PRIM2: variants seen among roughly 807,000 people sequenced by gnomAD.
PRIM2 encodes DNA primase subunit 2.
A neutral mutation model predicts 67.3 loss-of-function variants in PRIM2; 39 were observed. The ratio of observed to expected loss-of-function variants is 0.58; its 90% CI spans 0.45 to 0.76. PRIM2 has a LOEUF of 0.76. Ranked by LOEUF, PRIM2 falls within the 30% of genes least tolerant of loss-of-function variation. The pLI, the probability that PRIM2 is intolerant of heterozygous loss-of-function variation, is 0.00. For missense variants in PRIM2, 398 were observed against 598.7 expected (o/e 0.66, Z 3.50); for synonymous variants, 143 against 198.7 (o/e 0.72, Z 2.36).
chr6:57,313,865 C>T (rs1767431442), upstream of PRIM2, among the ~76,000 whole-genome samples: 1 of 152,226 alleles, frequency 6.6e-6, no homozygotes, highest in African/African-American at 2.4e-5. Flanking sequence ...ATTTACCAAG[C>T]ATGGCAACTA....
chr6:57,449,424 C>CA (rs1772466495), intron 7 of PRIM2, among the ~76,000 whole-genome samples: 1 of 152,090 alleles, frequency 6.6e-6, no homozygotes, highest in South Asian at 2.1e-4. Flanking sequence ...AATAAAATGG[C>CA]AAAATGTGTC....
the PRIM2 span, among the ~76,000 whole-genome samples, chr6:57,241,787 C>G: frequency 6.7e-6 from 1 of 149,976 alleles, no homozygotes; most frequent in Non-Finnish European, 1.5e-5. Context: ...ATTCTCCTGC[C>G]TCAACCTCCC....
chr6:57,232,858 A>G, the PRIM2 span, among the ~76,000 whole-genome samples: 2 of 152,228 alleles, frequency 1.3e-5, no homozygotes, highest in African/African-American at 4.8e-5. Flanking sequence ...AGTTAAAACA[A>G]ATGGAATTGG....
the PRIM2 span, among the ~76,000 whole-genome samples, chr6:57,261,233 A>G: frequency 1.3e-5 from 2 of 152,200 alleles, no homozygotes; most frequent in East Asian, 3.8e-4. Flanking sequence ...CATCCTTGAG[A>G]TTATCAAGAG....
intron 12 of PRIM2, among the ~76,000 whole-genome samples, chr6:57,613,759 G>A (rs1776705404): frequency 6.6e-6 from 1 of 152,178 alleles, no homozygotes; most frequent in African/African-American, 2.4e-5. Context: ...GCAGTGGCTT[G>A]TGTTGGAGGA....
At chr6:57,276,347 T>C in the PRIM2 span, among the ~76,000 whole-genome samples, 2 of 152,046 alleles carry the variant, frequency 1.3e-5, no homozygotes, top group African/African-American at 2.4e-5. Flanking sequence ...GCTGAGATCA[T>C]GCCACTGTAC....
intron 10 of PRIM2, among the ~76,000 whole-genome samples, chr6:57,571,221 T>G (rs1385732073): frequency 6.6e-6 from 1 of 152,214 alleles, no homozygotes; most frequent in Admixed American, 6.5e-5. Context: ...AGCTTTAAGA[T>G]GGCAAATTAG....
In PRIM2 at chr6:57,329,018, A is replaced by G. The variant is rs528927216; in HGVS notation, c.459+2973A>G. On this transcript the variant is annotated intron_variant, in intron 5 of 13. Coordinates refer to ENST00000615550, the MANE Select transcript of PRIM2 (RefSeq NM_000947.5). ...TGAATTGTTTGGCTTTTTATTGTTG[A>G]GTGTTCTTTACATATTCTGGATACA... 2.3e-3 allele frequency among the ~76,000 whole-genome samples: 343 copies of G among 152,048 alleles called. 1 individual carries two copies. The highest frequency in any genetic ancestry group is 7.8e-3 in the African/African-American group (322 of 41,490).
chr6:57,564,453 T>A (rs1417115526), intron 10 of PRIM2, among the ~76,000 whole-genome samples: 1 of 152,248 alleles, frequency 6.6e-6, no homozygotes, highest in Middle Eastern at 3.2e-3. Context: ...TCCCTTTGGC[T>A]ATTTTTATTA....
rs1379463563 is a variant in PRIM2 at position 57,376,967 on chromosome 6, T to A, written c.460-2934T>A. ...ATCTGGCTCACCGCAACCTCCACCT[T>A]CCAGGTTCAAGCAATTCTTCTTCCC... is the stretch of plus-strand genomic sequence containing the variant. On this transcript the variant is annotated intron_variant, in intron 5 of 13. Transcript: ENST00000615550. 2.6e-5 allele frequency among the ~76,000 whole-genome samples: 4 copies of A among 152,202 alleles called. No individual in the cohort carries two copies. In the East Asian group the frequency reaches 7.7e-4, roughly 29 times the overall value.
Position 57,325,305 on chromosome 6 carries a change from C to CTT in PRIM2, c.339-609_339-608dup, listed in dbSNP as rs11398927. On this transcript the variant is annotated intron_variant, in intron 4 of 13. Transcript: ENST00000615550. ...TTTTTTTTCTCTTTTCTCTCTCTCT[C>CTT]TTTTTTTTTTTTGAGCTAGGGTCTC... Among the ~76,000 whole-genome samples, 127 of 141,924 alleles carry CTT rather than the reference C, an allele frequency of 8.9e-4. 1 individual carries two copies. Among genetic ancestry groups the CTT allele is most frequent in the African/African-American group, 1.0e-3 (38 of 38,154 alleles). The allele number at this position is 141,924 out of a possible 152,430, so 93.1% of individuals were successfully genotyped here. A position where few individuals can be genotyped will look rare whatever the true frequency, so the allele number is the denominator to read the frequency against.
intron 5 of PRIM2, among the ~76,000 whole-genome samples, chr6:57,367,510 A>G (rs1225267411): frequency 1.3e-5 from 2 of 152,248 alleles, no homozygotes; most frequent in Non-Finnish European, 2.9e-5. Context: ...CTAACATTAA[A>G]ACTTAAAATC....
At chr6:57,619,983 T>A (rs1776822450) in intron 12 of PRIM2, among the ~76,000 whole-genome samples, 1 of 152,006 alleles carries the variant, frequency 6.6e-6, no homozygotes, top group Non-Finnish European at 1.5e-5. Flanking sequence ...GATCATGAGG[T>A]CAGGAGATCG....
intron 12 of PRIM2, among the ~76,000 whole-genome samples, chr6:57,625,143 C>T (rs1380496948): frequency 6.6e-6 from 1 of 151,942 alleles, no homozygotes; most frequent in East Asian, 1.9e-4. Flanking sequence ...GAGGATAGAG[C>T]CAAACCATAT....
chr6:57,300,050 G>A, the PRIM2 span, among the ~76,000 whole-genome samples: 18,392 of 152,158 alleles, frequency 0.12, 1,250 homozygotes, highest in African/African-American at 0.17. Flanking sequence ...ACTTTTCATC[G>A]CTGTGTTTAC....
chr6:57,317,267 C>T (rs1767508323), upstream of PRIM2, among the ~76,000 whole-genome samples: 1 of 152,126 alleles, frequency 6.6e-6, no homozygotes, highest in African/African-American at 2.4e-5. Context: ...AGTGCCAGCC[C>T]TGAGGGTTAA....
At chr6:57,286,706 T>G in the PRIM2 span, among the ~76,000 whole-genome samples, 1 of 152,090 alleles carries the variant, frequency 6.6e-6, no homozygotes, top group Non-Finnish European at 1.5e-5. Context: ...GGGTAAAGAC[T>G]TCATGACTAA....
chr6:57,257,391 G>T, the PRIM2 span, among the ~76,000 whole-genome samples: 1 of 151,672 alleles, frequency 6.6e-6, no homozygotes, highest in South Asian at 2.1e-4. Flanking sequence ...CCTGCCTCAG[G>T]CTCCTGAATA....
At chr6:57,249,047 G>A in the PRIM2 span, among the ~76,000 whole-genome samples, 2 of 152,182 alleles carry the variant, frequency 1.3e-5, no homozygotes, top group Admixed American at 1.3e-4. Context: ...ATATACTGGG[G>A]AAACAGATTT....
Sources: allele counts gnomAD v4.1 joint callset (sites outside exome capture counted in the v4.1 genomes callset), GRCh38; gene constraint gnomAD v4.1.1; transcripts MANE v1.5; gene names NCBI Gene and HGNC (gene_info 2026-07-23, HGNC 2026-07-21).